The following ARID1B variants were observed in gnomAD, a reference collection of about 807,000 sequenced individuals.
ARID1B encodes the protein AT-rich interaction domain 1B, also known as AT-rich interactive domain-containing protein 1B.
In ARID1B, 30 loss-of-function variants were observed where a neutral mutation model predicts 212.3. That is an observed-to-expected ratio of 0.14 (90% CI 0.11 to 0.19). The LOEUF (loss-of-function observed/expected upper bound fraction) is 0.19. Among genes scored for constraint, ARID1B ranks in the 10% least tolerant of loss-of-function variants. ARID1B has a pLI of 1.00. For synonymous variants in ARID1B, 1,402 were observed against 1,301.7 expected (o/e 1.08, Z -1.66); for missense variants, 2,891 against 3,204.0 (o/e 0.90, Z 2.36).
intron 6 of ARID1B, among the ~76,000 whole-genome samples, chr6:157,125,967 C>T (rs753404938): frequency 6.6e-6 from 1 of 152,106 alleles, no homozygotes; most frequent in East Asian, 1.9e-4. Flanking sequence ...TTCAGTTCCT[C>T]GAGGGCAAGG....
rs748019152 is a variant in ARID1B at position 156,901,601 on chromosome 6, C to T, written c.2136+76C>T. 3.4e-6 allele frequency: 5 copies of T among 1,483,360 alleles called. No homozygotes were observed. In the East Asian group the frequency reaches 1.2e-4, roughly 36 times the overall value. The allele number at this position is 1,483,360 out of a possible 1,614,324, so 91.9% of individuals were successfully genotyped here. On this transcript the variant is annotated intron_variant, in intron 3 of 19. Transcript: ENST00000636930. ...ACCCGGCTCTGAATCATCTTCCTGT[C>T]CTTTATTAAAAATTATGTTCTGGTG...
chr6:156,897,258 CTTCTTCTTA>C (rs1367924948), intron 2 of ARID1B, among the ~76,000 whole-genome samples: 128 of 87,172 alleles, frequency 1.5e-3, no homozygotes, highest in African/African-American at 3.2e-3. Context: ...TCTTCTTCTT[CTTCTTCTTA>C]TTATTATTAT....
At chr6:156,996,580 T>TA (rs1315382836) in intron 4 of ARID1B, among the ~76,000 whole-genome samples, 1 of 152,146 alleles carries the variant, frequency 6.6e-6, no homozygotes, top group Non-Finnish European at 1.5e-5. Context: ...TAGATCAAAA[T>TA]ATGTAAAAGT....
chr6:157,170,233 A>G (rs903930343), intron 9 of ARID1B: 2 of 152,222 alleles, frequency 1.3e-5, no homozygotes, highest in Non-Finnish European at 2.9e-5. Context: ...ATCTGCTGCC[A>G]GCTTTGTGGG....
intron 2 of ARID1B, among the ~76,000 whole-genome samples, chr6:156,851,466 G>A (rs2128107615): frequency 6.6e-6 from 1 of 152,218 alleles, no homozygotes; most frequent in East Asian, 1.9e-4. Flanking sequence ...CAGTGAGTTA[G>A]ACTCCTTCTG....
At chr6:156,836,342 T>C (rs1783509875) in intron 2 of ARID1B, among the ~76,000 whole-genome samples, 1 of 152,128 alleles carries the variant, frequency 6.6e-6, no homozygotes, top group African/African-American at 2.4e-5. Flanking sequence ...GTGACTGCCC[T>C]GTGAGTCAGG....
At chr6:157,027,231 A>C (rs1465595968) in intron 4 of ARID1B, among the ~76,000 whole-genome samples, 2 of 152,174 alleles carry the variant, frequency 1.3e-5, no homozygotes, top group East Asian at 3.8e-4. Context: ...TAACACAATA[A>C]TTCATCTTAA....
At chr6:157,176,066 G>A (rs1459087919) in intron 11 of ARID1B, among the ~76,000 whole-genome samples, 1 of 152,216 alleles carries the variant, frequency 6.6e-6, no homozygotes, top group Non-Finnish European at 1.5e-5. Context: ...TAAACAGATA[G>A]AGCCTGAAGG....
rs1177807875 is a variant in ARID1B at position 157,004,897 on chromosome 6, C to CTTTTTTTTTTTTTTTTTT, written c.2247+69338_2247+69355dup. On this transcript the variant is annotated intron_variant, in intron 4 of 19. Transcript: ENST00000636930. ...TTTTTTCTTTTTCTTCTTCTTTTTT[C>CTTTTTTTTTTTTTTTTTT]TTTTTTTTTTTTTTTTTTTTTTTTT... Among the ~76,000 whole-genome samples the CTTTTTTTTTTTTTTTTTT allele has an allele frequency of 9.1e-5, 5 of 54,738 alleles. 1 individual carries two copies. Among genetic ancestry groups the CTTTTTTTTTTTTTTTTTT allele is most frequent in the South Asian group, 8.9e-4 (2 of 2,248 alleles). The allele number at this position is 54,738 out of a possible 152,430, so 35.9% of individuals were successfully genotyped here. A position where few individuals can be genotyped will look rare whatever the true frequency, so the allele number is the denominator to read the frequency against.
intron 2 of ARID1B, among the ~76,000 whole-genome samples, chr6:156,896,347 C>T (rs1028455518): frequency 2.0e-5 from 3 of 152,084 alleles, no homozygotes; most frequent in Non-Finnish European, 2.9e-5. Context: ...GAGCCCAAGG[C>T]AGGTGGATCA....
intron 4 of ARID1B, among the ~76,000 whole-genome samples, chr6:157,004,945 C>A (rs1296658414): frequency 2.3e-5 from 2 of 87,066 alleles, no homozygotes; most frequent in Non-Finnish European, 4.2e-5. Context: ...ATGAGCCTTG[C>A]TCTGTTGTCC....
chr6:156,813,011 T>C (rs527970131), intron 1 of ARID1B, among the ~76,000 whole-genome samples: 1 of 147,376 alleles, frequency 6.8e-6, no homozygotes, highest in South Asian at 2.1e-4. Context: ...TACATATATA[T>C]ACACATACGT....
intron 9 of ARID1B, chr6:157,169,449 A>C (rs963013657): frequency 6.6e-6 from 1 of 152,226 alleles, no homozygotes; most frequent in Non-Finnish European, 1.5e-5. Context: ...AGTCAGTGTG[A>C]GTATAAATGT....
chr6:156,946,594 G>A (rs752479086), intron 4 of ARID1B, among the ~76,000 whole-genome samples: 2 of 151,686 alleles, frequency 1.3e-5, no homozygotes, highest in Non-Finnish European at 2.9e-5. Flanking sequence ...TCGAAATGCT[G>A]TCATGACCCT....
intron 2 of ARID1B, among the ~76,000 whole-genome samples, chr6:156,877,959 AC>A (rs1786697662): frequency 2.0e-5 from 3 of 151,598 alleles, no homozygotes; most frequent in South Asian, 4.2e-4. Flanking sequence ...CAAGTAATCC[AC>A]CTGCCTCAGC....
At chr6:157,163,313 C>A (rs1295890165) in intron 8 of ARID1B, among the ~76,000 whole-genome samples, 1 of 152,116 alleles carries the variant, frequency 6.6e-6, no homozygotes, top group African/African-American at 2.4e-5. Flanking sequence ...GCCACAGACT[C>A]CTCCTAGGTT....
At position 157,148,728 on chromosome 6, in the gene ARID1B, G is replaced by A. The variant is rs757473942; in HGVS notation, c.2866G>A (p.Gly956Arg). Residue 956 changes from glycine to arginine, a missense_variant, in exon 8 of 20, where the codon GGG becomes AGG. Physicochemically the swap from Gly to Arg is moderately radical, Grantham distance 125 (BLOSUM62 -2). Around this residue, in one of 7 missense-constraint regions of ARID1B, gnomAD observed 1,643 missense variants for 1,544.0 expected, o/e 1.06. Transcript: ENST00000636930. This position sits in a 1 kb window ranked among gnomAD's most constrained non-coding sequence, Gnocchi z 5.6. The part of the protein sequence containing the change: ...ISANNQMHGQ[G>R]PSQPCGAVPL... ...TGCCAACAACCAGATGCATGGACAA[G>A]GGCCAAGCCAGCCATGTGGTGCTGT... The A allele has an allele frequency of 6.2e-7, 1 of 1,613,166 alleles. No individual in the cohort carries two copies. Among genetic ancestry groups the A allele is most frequent in the East Asian group, 2.2e-5 (1 of 44,880 alleles).
intron 4 of ARID1B, among the ~76,000 whole-genome samples, chr6:157,042,028 T>A (rs958700395): frequency 6.6e-6 from 1 of 152,218 alleles, no homozygotes; most frequent in African/African-American, 2.4e-5. Context: ...CCTACAGGTC[T>A]GGCCTCGATT....
intron 4 of ARID1B, among the ~76,000 whole-genome samples, chr6:156,981,185 G>C (rs1777579503): frequency 6.6e-6 from 1 of 152,202 alleles, no homozygotes; most frequent in African/African-American, 2.4e-5. Context: ...CTCTAAGATT[G>C]CTCCAGGTCC....
Sources: allele counts gnomAD v4.1 joint callset (sites outside exome capture counted in the v4.1 genomes callset), GRCh38; gene constraint gnomAD v4.1.1; regional missense constraint gnomAD v4.1.1; non-coding constraint Gnocchi (gnomAD v3.1); transcripts MANE v1.5; gene names NCBI Gene and HGNC (gene_info 2026-07-23, HGNC 2026-07-21).